Variants in ASCC1 observed in about 807,000 individuals in gnomAD.
ASCC1 encodes ASC-1 complex subunit P50.
ASCC1 carries 35 observed loss-of-function variants against 46.6 expected under a neutral mutation model. The ratio of observed to expected loss-of-function variants is 0.75; its 90% CI spans 0.57 to 0.99. The LOEUF (loss-of-function observed/expected upper bound fraction) is 0.99. Ranked by LOEUF, ASCC1 falls within the 50% of genes least tolerant of loss-of-function variation. The probability of loss-of-function intolerance (pLI) is 0.00; values close to 1 mark genes in which losing one functional copy is unlikely to be tolerated. For missense variants in ASCC1, 376 were observed against 428.7 expected, an observed-to-expected ratio of 0.88 and a Z score of 1.09; for synonymous variants, 143 against 146.6, an observed-to-expected ratio of 0.98 and a Z score of 0.18.
intron 8 of ASCC1, among the ~76,000 whole-genome samples, chr10:72,131,873 A>ATTTT (rs914278355): frequency 7.0e-5 from 8 of 114,950 alleles, no homozygotes; most frequent in East Asian, 2.2e-4. Context: ...CTCTAGATAG[A>ATTTT]TTTTTTTTTT....
chr10:72,196,446 T>C (rs558171612), intron 5 of ASCC1, among the ~76,000 whole-genome samples: 1 of 151,870 alleles, frequency 6.6e-6, no homozygotes, highest in Non-Finnish European at 1.5e-5. Context: ...ACCCAGCTAA[T>C]TTTTTTTGTA....
chr10:72,097,216 ACCAC>A lies in ASCC1; in HGVS notation c.*114_*117del. ...AGAGGCAATGGTGAATCTATGGGGA[ACCAC>A]CCAGGAAAGTCACCATCCAAATGTC... On this transcript the variant is annotated 3_prime_UTR_variant, in exon 10 of 10. Transcript: ENST00000672957. 1.3e-6 allele frequency: 1 copy of A among 787,744 alleles called. No homozygotes were observed. Among genetic ancestry groups the A allele is most frequent in the South Asian group, 1.3e-5 (1 of 74,328 alleles). 48.8% of individuals were successfully genotyped at this position (787,744 alleles called of 1,614,324 possible).
At chr10:72,203,549 A>C in intron 3 of ASCC1, 25 bp from the exon 4 acceptor site, 6 of 1,502,366 alleles carry the variant, frequency 4.0e-6, no homozygotes, top group Non-Finnish European at 5.6e-6. Flanking sequence ...AATTAAAAGA[A>C]GATTAAGTCA....
At chr10:72,166,945 G>A (rs1182106987) in intron 5 of ASCC1, among the ~76,000 whole-genome samples, 1 of 152,120 alleles carries the variant, frequency 6.6e-6, no homozygotes, top group African/African-American at 2.4e-5. Context: ...AACAAGTGTA[G>A]ATGAGGATAT....
chr10:72,197,467 C>CAAAAAAAAAAAA (rs59460393), intron 4 of ASCC1, among the ~76,000 whole-genome samples: 4 of 51,372 alleles, frequency 7.8e-5, no homozygotes, highest in African/African-American at 1.6e-4. Context: ...GACTCTATCT[C>CAAAAAAAAAAAA]AAAAAAAAAA....
intron 7 of ASCC1, among the ~76,000 whole-genome samples, chr10:72,149,692 T>C (rs1334958045): frequency 2.6e-5 from 4 of 152,226 alleles, no homozygotes; most frequent in African/African-American, 9.7e-5. Context: ...CTATACATAG[T>C]ACATTGTAGT....
At chr10:72,110,649 TGG>T (rs1842825858) in intron 9 of ASCC1, among the ~76,000 whole-genome samples, 1 of 152,120 alleles carries the variant, frequency 6.6e-6, no homozygotes. Flanking sequence ...CAGCTGGGCG[TGG>T]TGGCACGTGC....
Position 72,161,303 on chromosome 10 carries a change from T to A in ASCC1, c.626+235A>T, listed in dbSNP as rs566358565. Among the ~76,000 whole-genome samples, 14 of 152,282 alleles carry A rather than the reference T, an allele frequency of 9.2e-5. No individual in the cohort carries two copies. The South Asian group carries it at 2.9e-3, about 32-fold the overall frequency. On this transcript the variant is annotated intron_variant, in intron 6 of 9. Coordinates refer to ENST00000672957, the MANE Select transcript of ASCC1 (RefSeq NM_001198800.3). ...GAATAATGACCCCCAAAGATGTTAA[T>A]GTCCCACTCTCTAGAATTTATATTC...
intron 9 of ASCC1, among the ~76,000 whole-genome samples, chr10:72,116,019 T>C (rs149002724): frequency 2.4e-4 from 37 of 152,276 alleles, no homozygotes; most frequent in Non-Finnish European, 4.6e-4. Context: ...TCGTAAACAT[T>C]GCAAAAAGAC....
At chr10:72,131,416 A>G (rs930284807) in intron 8 of ASCC1, among the ~76,000 whole-genome samples, 1 of 147,812 alleles carries the variant, frequency 6.8e-6, no homozygotes, top group African/African-American at 2.5e-5. Context: ...GCAAGACTCC[A>G]TTTCAAAAAA....
chr10:72,169,892 G>A (rs1263898320), intron 5 of ASCC1, among the ~76,000 whole-genome samples: 4 of 152,160 alleles, frequency 2.6e-5, no homozygotes, highest in East Asian at 3.9e-4. Context: ...GGCCAAGATG[G>A]GCGGATCACC....
intron 9 of ASCC1, among the ~76,000 whole-genome samples, chr10:72,119,925 G>A (rs1426152809): frequency 6.6e-6 from 1 of 152,196 alleles, no homozygotes; most frequent in Non-Finnish European, 1.5e-5. Flanking sequence ...GAATCAAAGA[G>A]AAATACTAGT....
intron 9 of ASCC1, among the ~76,000 whole-genome samples, chr10:72,105,458 C>G (rs1346715196): frequency 2.0e-5 from 3 of 152,230 alleles, no homozygotes; most frequent in Non-Finnish European, 4.4e-5. Context: ...TGGGGCACCC[C>G]CGTCACAAGT....
chr10:72,108,076 C>CT (rs375287948), intron 9 of ASCC1, among the ~76,000 whole-genome samples: 2,652 of 128,316 alleles, frequency 0.021, 30 homozygotes, highest in Middle Eastern at 0.054. Context: ...TTTTCTTTTT[C>CT]TTTTTTTTTT....
Position 72,161,657 on chromosome 10 carries a change from G to C in ASCC1, c.507C>G (p.Ser169Arg), listed in dbSNP as rs768614381. 9.3e-6 allele frequency: 15 copies of C among 1,614,112 alleles called. No homozygotes were observed. The highest frequency in any genetic ancestry group is 1.3e-5 in the Non-Finnish European group (15 of 1,180,030). ...AKCSMDHGVD[S>R]SIFQNPKKLH... ...GCTTTTTAGGATTCTGGAAAATGCT[G>C]CTGTCAACCCCATGATCCTGTTATC... Residue 169 changes from serine (S) to arginine (R), a missense_variant, in exon 6 of 10, where the codon AGC becomes AGG. Ser to Arg is a moderately radical substitution (Grantham distance 110). Transcript: ENST00000672957.
chr10:72,177,080 A>G (rs1485415508), intron 5 of ASCC1, among the ~76,000 whole-genome samples: 1 of 152,112 alleles, frequency 6.6e-6, no homozygotes, highest in Non-Finnish European at 1.5e-5. Context: ...GGCACATAAT[A>G]TGTCCTATAT....
chr10:72,199,284 C>G (rs981973552), intron 4 of ASCC1, among the ~76,000 whole-genome samples: 7 of 149,842 alleles, frequency 4.7e-5, no homozygotes, highest in Non-Finnish European at 1.0e-4. Flanking sequence ...CCATCACACC[C>G]AGCTAATTTT....
At chr10:72,213,081 CA>C in intron 2 of ASCC1, 105 bp downstream of exon 2, 1 of 788,476 alleles carries the variant, frequency 1.3e-6, no homozygotes, top group East Asian at 2.7e-5. Flanking sequence ...CCAAACATCT[CA>C]AATTTCAGTG....
intron 3 of ASCC1, 80 bp from the exon 4 acceptor site, chr10:72,203,604 G>T: frequency 9.7e-7 from 1 of 1,033,834 alleles, no homozygotes. Flanking sequence ...AATCCTTTGT[G>T]ACAAGAGATA....
Sources: allele counts gnomAD v4.1 joint callset (sites outside exome capture counted in the v4.1 genomes callset), GRCh38; gene constraint gnomAD v4.1.1; transcripts MANE v1.5; gene names NCBI Gene and HGNC (gene_info 2026-07-23, HGNC 2026-07-21).